Variants in NME2 observed in about 807,000 individuals in gnomAD.
NME2 encodes the protein NME/NM23 nucleoside diphosphate kinase 2, also known as nucleoside diphosphate kinase B.
A neutral mutation model predicts 17.8 loss-of-function variants in NME2; 18 were observed. The ratio of observed to expected loss-of-function variants is 1.01; its 90% CI spans 0.70 to 1.50. NME2 has a LOEUF of 1.50. NME2 is among the 40% of genes most tolerant of loss of function. The probability of loss-of-function intolerance (pLI) is 0.00; values close to 1 mark genes in which losing one functional copy is unlikely to be tolerated. For synonymous variants in NME2, 74 were observed against 71.4 expected (o/e 1.04, Z -0.19); for missense variants, 161 against 195.6 (o/e 0.82, Z 1.05).
intron 4 of NME2, among the ~76,000 whole-genome samples, chr17:51,170,713 G>T (rs145000223): frequency 0.012 from 1,807 of 151,094 alleles, 29 homozygotes; most frequent in African/African-American, 0.038. Flanking sequence ...CTTGAACCTG[G>T]GAGGTGGAGG....
chr17:51,168,460 T>A, intron 3 of NME2, 117 bp downstream of exon 3: 2 of 1,053,944 alleles, frequency 1.9e-6, no homozygotes, highest in Non-Finnish European at 2.8e-6. Flanking sequence ...TGAAGTTACT[T>A]AACTGAGCAA....
chr17:51,170,389 C>G (rs1417134472), intron 4 of NME2, among the ~76,000 whole-genome samples: 1 of 151,936 alleles, frequency 6.6e-6, no homozygotes, highest in Admixed American at 6.6e-5. Flanking sequence ...ATCCGCCTGC[C>G]TCGGCCCCCC....
intron 4 of NME2, 132 bp from the exon 5 acceptor site, chr17:51,171,355 G>T: frequency 1.6e-6 from 1 of 642,400 alleles, no homozygotes; most frequent in Non-Finnish European, 2.8e-6. Flanking sequence ...AAATGCTTTG[G>T]GGGTATAAAT....
chr17:51,167,161 T>C, intron 2 of NME2: 2 of 1,164,550 alleles, frequency 1.7e-6, no homozygotes, highest in Non-Finnish European at 2.3e-6. Flanking sequence ...GGTGAAGCGC[T>C]GGTAGCGTGA....
At chr17:51,166,766 GGCCTCCGCGGGCCCCGCCAGA>G (rs2049948338) in intron 1 of NME2, 40 bp from the exon 2 acceptor site, 6 of 1,483,638 alleles carry the variant, frequency 4.0e-6, no homozygotes, top group Non-Finnish European at 5.3e-6. Context: ...GCGCCCACGT[GGCCTCCGCGGGCCCCGCCAGA>G]GCCTGCGCCC....
At chr17:51,168,960 CA>C (rs199574849) in intron 3 of NME2, among the ~76,000 whole-genome samples, 1 of 150,708 alleles carries the variant, frequency 6.6e-6, no homozygotes, top group African/African-American at 2.4e-5. Flanking sequence ...GACTCCATCT[CA>C]AAAAAAAATA....
chr17:51,166,643 C>G (rs188038296), intron 1 of NME2, 146 bp downstream of exon 1: 4 of 451,452 alleles, frequency 8.9e-6, no homozygotes, highest in African/African-American at 2.1e-5. Context: ...TTGCAGCTTG[C>G]GCCCCGCGGG....
chr17:51,168,833 C>CCA (rs959492309), intron 3 of NME2, among the ~76,000 whole-genome samples: 2 of 150,232 alleles, frequency 1.3e-5, no homozygotes, highest in African/African-American at 2.5e-5. Context: ...TCACCTGAGG[C>CCA]CAGGAGTTAA....
rs34260519 is a variant in NME2 at position 51,170,787 on chromosome 17, C to CA, written c.342-682dup. Among the ~76,000 whole-genome samples, 513 of 64,004 alleles carry CA rather than the reference C, an allele frequency of 8.0e-3. 2 individuals carry two copies. The highest frequency in any genetic ancestry group is 0.026 in the South Asian group (44 of 1,708). The allele number at this position is 64,004 out of a possible 152,430, so 42.0% of individuals were successfully genotyped here. ...GGGCAACAAGAACAAAACTCCGTCT[C>CA]AAAAAAAAAAAAAAAAAAGCTTTCA... On this transcript the variant is annotated intron_variant, in intron 4 of 4. Coordinates refer to ENST00000512737, the MANE Select transcript of NME2 (RefSeq NM_002512.4).
chr17:51,171,412 C>A, intron 4 of NME2, 75 bp from the exon 5 acceptor site: 1 of 1,272,648 alleles, frequency 7.9e-7, no homozygotes, highest in Non-Finnish European at 1.1e-6. Flanking sequence ...GTCTGGAGTG[C>A]TGTCCATTGC....
chr17:51,167,642 T>TAA (rs113041321), intron 2 of NME2, among the ~76,000 whole-genome samples: 29,108 of 151,922 alleles, frequency 0.19, 3,803 homozygotes, highest in African/African-American at 0.37. Context: ...ACCTACTTTT[T>TAA]AGGCTTACAA....
chr17:51,170,463 A>T (rs971229510), intron 4 of NME2, among the ~76,000 whole-genome samples: 1 of 151,776 alleles, frequency 6.6e-6, no homozygotes, highest in African/African-American at 2.4e-5. Flanking sequence ...GGTGATTATC[A>T]TTGTATAAAA....
intron 2 of NME2, 146 bp downstream of exon 2, chr17:51,167,102 G>A: frequency 6.6e-7 from 1 of 1,514,466 alleles, no homozygotes; most frequent in Non-Finnish European, 8.8e-7. Flanking sequence ...ACGGCGGCTT[G>A]GGCCCGCCGA....
intron 2 of NME2, 188 bp downstream of exon 2, chr17:51,167,144 T>C (rs1873750551): frequency 7.8e-7 from 1 of 1,289,740 alleles, no homozygotes. Flanking sequence ...ACAGACGCCC[T>C]TGGGAAGGTG....
chr17:51,167,982 C>T, intron 2 of NME2: 1 of 219,386 alleles, frequency 4.6e-6, no homozygotes. Flanking sequence ...GATAGTGAGA[C>T]CCTGTCTCCT....
rs747569258 is a variant in NME2, at chr17:51,166,912, T to C, written c.82T>C (p.Phe28Leu). 3.0e-5 allele frequency: 48 copies of C among 1,613,652 alleles called. No homozygotes were observed. Among genetic ancestry groups the C allele is most frequent in the Non-Finnish European group, 4.1e-5 (48 of 1,179,852 alleles). ...RGLVGEIIKR[F>L]EQKGFRLVAM... is the part of the protein sequence containing the mutation. ...CCTGGTGGGCGAGATCATCAAGCGC[T>C]TCGAGCAGAAGGGATTCCGCCTCGT... is the stretch of plus-strand genomic sequence containing the variant. The change falls in exon 2 of 5, where the codon TTC (phenylalanine) becomes CTC (leucine). Residue 28 changes from phenylalanine to leucine, a missense_variant. Coordinates refer to ENST00000512737, the MANE Select transcript of NME2 (RefSeq NM_002512.4).
In NME2 at chr17:51,168,346, G is replaced by T. The variant is rs369955308; in HGVS notation, c.228+3G>T. On this transcript the variant is annotated splice_donor_region_variant and intron_variant, in intron 3 of 4. Transcript: ENST00000512737. ...ACTCAGGGCCGGTTGTGGCCATGGT[G>T]AGTGCTCGTGGGGAATGAGAGAAAA... 5 of 1,613,776 alleles carry T rather than the reference G, an allele frequency of 3.1e-6. No individual in the cohort carries two copies. The highest frequency in any genetic ancestry group is 3.4e-6 in the Non-Finnish European group (4 of 1,179,788).
rs750705906 is a variant in NME2, at chr17:51,166,972, C to T, written c.126+16C>T. On this transcript the variant is annotated intron_variant, in intron 2 of 4. Transcript: ENST00000512737. ...GTTCCTCCGGGTAACTCGCCCCCGT[C>T]TCCCCTTCCCCGCTGCAGCCGGCTC... is the stretch of plus-strand genomic sequence containing the variant. The T allele has an allele frequency of 1.9e-6, 3 of 1,611,916 alleles. No individual in the cohort carries two copies. The highest frequency in any genetic ancestry group is 2.5e-6 in the Non-Finnish European group (3 of 1,179,170).
chr17:51,165,879 G>A (rs966220427), upstream of NME2: 5 of 152,414 alleles, frequency 3.3e-5, no homozygotes, highest in Non-Finnish European at 7.3e-5. Flanking sequence ...GAGGTGCTGA[G>A]CAAAGCTCCC....
Sources: allele counts gnomAD v4.1 joint callset (sites outside exome capture counted in the v4.1 genomes callset), GRCh38; gene constraint gnomAD v4.1.1; transcripts MANE v1.5; gene names NCBI Gene and HGNC (gene_info 2026-07-23, HGNC 2026-07-21).